PHF24: variants seen among roughly 807,000 people sequenced by gnomAD.
PHF24 encodes the protein Galpha inhibitory interacting protein.
Under a neutral mutation model 42.6 loss-of-function variants are expected in PHF24, and 25 were observed. The observed-to-expected ratio is 0.59, with a 90% confidence interval of 0.43 to 0.82. The LOEUF (loss-of-function observed/expected upper bound fraction) is 0.82, where lower values mean the gene tolerates loss of function less well. Among genes scored for constraint, PHF24 ranks in the 40% least tolerant of loss-of-function variants. The pLI, the probability that PHF24 is intolerant of heterozygous loss-of-function variation, is 0.00. For synonymous variants in PHF24, 185 were observed against 204.8 expected (o/e 0.90, Z 0.83); for missense variants, 470 against 538.1 (o/e 0.87, Z 1.25).
In PHF24 at chr9:34,971,175, C is replaced by A. The variant is rs568938335; in HGVS notation, c.-4-120C>A. The A allele has an allele frequency of 1.2e-5, 12 of 1,041,364 alleles. No homozygotes were observed. The East Asian group carries it at 2.2e-4, about 19-fold the overall frequency. The allele number at this position is 1,041,364 out of a possible 1,614,324, so 64.5% of individuals were successfully genotyped here. ...TCCTTAACATGTGCTGTCTCCACCC[C>A]CACCATGTTCTAGAAGAGGGAGAAA... On this transcript the variant is annotated intron_variant, in intron 1 of 7. Transcript: ENST00000242315.
chr9:34,956,740 C>T (rs923143174), upstream of PHF24, among the ~76,000 whole-genome samples: 1 of 152,200 alleles, frequency 6.6e-6, no homozygotes, highest in African/African-American at 2.4e-5. Context: ...TAGGGGGGGA[C>T]CCCCAGACTA....
At chr9:34,824,746 T>G in the PHF24 span, among the ~76,000 whole-genome samples, 1 of 152,180 alleles carries the variant, frequency 6.6e-6, no homozygotes, top group East Asian at 1.9e-4. Context: ...GATGACAGGT[T>G]GTTTGCTGTT....
At chr9:34,684,116 T>G in the PHF24 span, among the ~76,000 whole-genome samples, 2 of 152,180 alleles carry the variant, frequency 1.3e-5, no homozygotes, top group African/African-American at 4.8e-5. Context: ...GGCTTGCAAG[T>G]AAGAATCCTG....
At chr9:34,778,666 A>G in the PHF24 span, among the ~76,000 whole-genome samples, 5 of 152,208 alleles carry the variant, frequency 3.3e-5, no homozygotes, top group African/African-American at 9.7e-5. Context: ...TTCAACAATA[A>G]CTGTTAAAGA....
the PHF24 span, among the ~76,000 whole-genome samples, chr9:34,769,396 C>T: frequency 6.6e-6 from 1 of 152,336 alleles, no homozygotes; most frequent in East Asian, 1.9e-4. Context: ...GCTGGGATTA[C>T]AGGCATGAGC....
intron 1 of PHF24, among the ~76,000 whole-genome samples, chr9:34,960,232 G>T (rs967690480): frequency 3.9e-5 from 6 of 152,192 alleles, no homozygotes; most frequent in Non-Finnish European, 8.8e-5. Flanking sequence ...GGGTTTTCCT[G>T]CTCCCCTTCC....
At chr9:34,766,048 T>TA in the PHF24 span, among the ~76,000 whole-genome samples, 1 of 152,210 alleles carries the variant, frequency 6.6e-6, no homozygotes, top group Non-Finnish European at 1.5e-5. Flanking sequence ...TTCTGGCTTG[T>TA]AGAGTTTCTG....
At chr9:34,978,196 G>C (rs1228419665) in exon 8 of PHF24, 3 of 1,053,670 alleles carry the variant, frequency 2.8e-6, no homozygotes, top group Non-Finnish European at 4.4e-6. Context: ...CTCTGGCACA[G>C]AGACTCATGG....
the PHF24 span, among the ~76,000 whole-genome samples, chr9:34,890,270 A>C: frequency 2.6e-4 from 39 of 151,984 alleles, no homozygotes; most frequent in African/African-American, 8.5e-4. Flanking sequence ...CTGTCCAGAC[A>C]CCCCCTTCTC....
At chr9:34,976,047 G>A in intron 3 of PHF24, 105 bp from the exon 4 acceptor site, 1 of 784,966 alleles carries the variant, frequency 1.3e-6, no homozygotes, top group Admixed American at 1.9e-5. Context: ...GGGATTAGAT[G>A]ATCTTGGAAC....
At chr9:34,878,327 C>T in the PHF24 span, among the ~76,000 whole-genome samples, 1 of 152,184 alleles carries the variant, frequency 6.6e-6, no homozygotes, top group African/African-American at 2.4e-5. Context: ...GTGATTTCTG[C>T]ATTTCCAACT....
At chr9:34,832,128 T>A in the PHF24 span, among the ~76,000 whole-genome samples, 2 of 152,100 alleles carry the variant, frequency 1.3e-5, no homozygotes, top group Non-Finnish European at 2.9e-5. Context: ...CTGAAACATA[T>A]AGAGTGCATT....
chr9:34,836,792 C>A, the PHF24 span, among the ~76,000 whole-genome samples: 2 of 152,194 alleles, frequency 1.3e-5, no homozygotes, highest in African/African-American at 2.4e-5. Flanking sequence ...TATCTCAGAG[C>A]TGAGTAGAAC....
At chr9:34,680,408 G>T in the PHF24 span, among the ~76,000 whole-genome samples, 1 of 150,452 alleles carries the variant, frequency 6.6e-6, no homozygotes, top group East Asian at 2.0e-4. Flanking sequence ...AAATAAGAAG[G>T]CCGGGCGCGG....
At chr9:34,701,277 G>A in the PHF24 span, among the ~76,000 whole-genome samples, 1 of 152,144 alleles carries the variant, frequency 6.6e-6, no homozygotes, top group Non-Finnish European at 1.5e-5. The surrounding 1 kb of genome is among the most constrained non-coding windows in gnomAD (Gnocchi z 5.8). Flanking sequence ...TGGGGGTCGG[G>A]GTGGGTGAAT....
chr9:34,710,777 GTTTTCAT>G, the PHF24 span, among the ~76,000 whole-genome samples: 3 of 151,948 alleles, frequency 2.0e-5, no homozygotes, highest in Non-Finnish European at 4.4e-5. Flanking sequence ...TCCGGCTACT[GTTTTCAT>G]TTTTCATTTT....
At chr9:34,690,414 T>A in the PHF24 span, 1 of 1,281,388 alleles carries the variant, frequency 7.8e-7, no homozygotes, top group Non-Finnish European at 1.1e-6. Flanking sequence ...CTAGCTCGGA[T>A]TGAGGACACC....
At chr9:34,980,027 T>TTACC (rs1827336375) in exon 8 of PHF24, 1 of 152,226 alleles carries the variant, frequency 6.6e-6, no homozygotes, top group Non-Finnish European at 1.5e-5. Context: ...ACAGGGGCTC[T>TTACC]TACCTACTCT....
At chr9:34,850,311 T>C in the PHF24 span, among the ~76,000 whole-genome samples, 3 of 152,150 alleles carry the variant, frequency 2.0e-5, no homozygotes, top group Non-Finnish European at 2.9e-5. Context: ...CTTTTTATTC[T>C]TTTTTCTCTA....
Sources: gnomAD v4.1 joint callset for allele counts (sites outside exome capture counted in the v4.1 genomes callset) on GRCh38, gnomAD v4.1.1 for gene constraint, Gnocchi (gnomAD v3.1) non-coding constraint, MANE v1.5 for transcripts, NCBI Gene and HGNC (gene_info 2026-07-23, HGNC 2026-07-21) for gene names.